ITPR2: variants seen among roughly 807,000 people sequenced by gnomAD.
The protein encoded by ITPR2 is inositol 1,4,5-trisphosphate-gated calcium channel ITPR2.
ITPR2 carries 207 observed loss-of-function variants against 317.1 expected under a neutral mutation model. That is an observed-to-expected ratio of 0.65 (90% CI 0.58 to 0.73). The LOEUF (loss-of-function observed/expected upper bound fraction) is 0.73, where lower values mean the gene tolerates loss of function less well. Among genes scored for constraint, ITPR2 ranks in the 30% least tolerant of loss-of-function variants. The pLI is 0.00. For missense variants in ITPR2, 2,613 were observed against 3,284.0 expected, an observed-to-expected ratio of 0.80 and a Z score of 4.99; for synonymous variants, 1,156 against 1,149.1, an observed-to-expected ratio of 1.01 and a Z score of -0.12.
intron 21 of ITPR2, among the ~76,000 whole-genome samples, chr12:26,651,823 T>C (rs1222082728): frequency 1.3e-5 from 2 of 152,202 alleles, no homozygotes; most frequent in Non-Finnish European, 2.9e-5. Flanking sequence ...TGGCTTTTGG[T>C]AGAGGTCGGT....
intron 47 of ITPR2, among the ~76,000 whole-genome samples, chr12:26,438,728 C>A (rs1387036926): frequency 1.3e-5 from 2 of 152,188 alleles, no homozygotes; most frequent in Non-Finnish European, 2.9e-5. Context: ...ACAATCCCCT[C>A]AATCACAGGA....
intron 37 of ITPR2, among the ~76,000 whole-genome samples, chr12:26,495,983 G>C (rs1212655779): frequency 6.6e-6 from 1 of 152,060 alleles, no homozygotes; most frequent in African/African-American, 2.4e-5. Context: ...AACTTCCTAA[G>C]TCTTCAATTT....
intron 37 of ITPR2, among the ~76,000 whole-genome samples, chr12:26,499,988 T>C (rs900835735): frequency 3.3e-5 from 5 of 152,182 alleles, no homozygotes; most frequent in African/African-American, 1.2e-4. Context: ...AAATGATTAA[T>C]GAATAGGTAT....
intron 55 of ITPR2, among the ~76,000 whole-genome samples, chr12:26,385,715 T>C (rs979990424): frequency 6.6e-6 from 1 of 152,106 alleles, no homozygotes; most frequent in African/African-American, 2.4e-5. Context: ...GTGTCTCATG[T>C]TTATGCTTTT....
At chr12:26,715,156 GAATAGGCA>G in intron 8 of ITPR2, 135 bp downstream of exon 8, 1 of 685,776 alleles carries the variant, frequency 1.5e-6, no homozygotes, top group South Asian at 2.4e-5. Flanking sequence ...TCACAGCAAT[GAATAGGCA>G]CAAGTTGGTT....
intron 2 of ITPR2, among the ~76,000 whole-genome samples, chr12:26,748,145 G>T (rs551077926): frequency 6.6e-6 from 1 of 150,376 alleles, no homozygotes; most frequent in African/African-American, 2.5e-5. Context: ...TGCCACCTCC[G>T]CCTCCTGGGT....
intron 30 of ITPR2, among the ~76,000 whole-genome samples, chr12:26,598,053 C>G (rs576762485): frequency 1.3e-5 from 2 of 152,150 alleles, no homozygotes; most frequent in African/African-American, 4.8e-5. Flanking sequence ...AACACTTCAC[C>G]CAACAGTATC....
rs1369248376 is a variant in ITPR2 at position 26,461,621 on chromosome 12, CATATAAATATATATATATATAT to C, written c.6342+13653_6342+13674del. ...AAGCTGACAATAAGAAAAAGAAAAG[CATATAAATATATATATATATAT>C]ATATATATATATATATATATATATA... On this transcript the variant is annotated intron_variant, in intron 45 of 56. Transcript: ENST00000381340. Among the ~76,000 whole-genome samples, 688 of 119,428 alleles carry C rather than the reference CATATAAATATATATATATATAT, an allele frequency of 5.8e-3. 13 individuals carry two copies. The highest frequency in any genetic ancestry group is 0.026 in the African/African-American group (637 of 24,502). 78.3% of individuals were successfully genotyped at this position (119,428 alleles called of 152,430 possible).
intron 39 of ITPR2, among the ~76,000 whole-genome samples, chr12:26,491,300 A>G (rs1051138338): frequency 2.0e-5 from 3 of 151,674 alleles, no homozygotes; most frequent in Non-Finnish European, 2.9e-5. Flanking sequence ...TGGCTAACAC[A>G]GTGAAACCCC....
chr12:26,800,423 T>C (rs976412160), intron 1 of ITPR2, among the ~76,000 whole-genome samples: 1 of 152,000 alleles, frequency 6.6e-6, no homozygotes, highest in African/African-American at 2.4e-5. Context: ...TTTAAAGAAA[T>C]GGAAGATAAA....
At chr12:26,607,868 C>G (rs1164052824) in intron 26 of ITPR2, among the ~76,000 whole-genome samples, 1 of 152,074 alleles carries the variant, frequency 6.6e-6, no homozygotes, top group African/African-American at 2.4e-5. Context: ...ATCACAAGGT[C>G]AGGAGATCGA....
intron 52 of ITPR2, among the ~76,000 whole-genome samples, chr12:26,401,208 A>G (rs1940168358): frequency 6.6e-6 from 1 of 152,040 alleles, no homozygotes; most frequent in Non-Finnish European, 1.5e-5. Flanking sequence ...CAGCCTGGGT[A>G]ACAGAGCAAG....
chr12:26,830,876 A>G (rs1024318725), intron 1 of ITPR2, among the ~76,000 whole-genome samples: 1 of 152,192 alleles, frequency 6.6e-6, no homozygotes, highest in African/African-American at 2.4e-5. Flanking sequence ...CACTTTACAT[A>G]TATTAATCTC....
chr12:26,435,930 T>C (rs2136719628), intron 48 of ITPR2, among the ~76,000 whole-genome samples: 1 of 152,304 alleles, frequency 6.6e-6, no homozygotes, highest in South Asian at 2.1e-4. Context: ...ATTTAGATGA[T>C]ACAGTATAAA....
At chr12:26,534,457 T>C (rs1218363218) in intron 37 of ITPR2, among the ~76,000 whole-genome samples, 1 of 152,204 alleles carries the variant, frequency 6.6e-6, no homozygotes, top group African/African-American at 2.4e-5. Context: ...CTATTCTAAA[T>C]ATAAATTTCA....
chr12:26,486,408 C>T (rs1486824882), intron 40 of ITPR2, 48 bp from the exon 41 acceptor site: 6 of 1,180,436 alleles, frequency 5.1e-6, no homozygotes, highest in Non-Finnish European at 6.9e-6. Context: ...TTTGCTTTTA[C>T]TAATTAAAAA....
chr12:26,656,609 A>AGATACTGATTG, intron 18 of ITPR2, 61 bp from the exon 19 acceptor site: 1 of 1,529,450 alleles, frequency 6.5e-7, no homozygotes, highest in Non-Finnish European at 9.0e-7. Context: ...TAAACGTCAT[A>AGATACTGATTG]GTACCAATCA....
chr12:26,828,350 G>C (rs773562807), intron 1 of ITPR2, among the ~76,000 whole-genome samples: 1 of 152,138 alleles, frequency 6.6e-6, no homozygotes, highest in Non-Finnish European at 1.5e-5. Context: ...TGTACTCCGA[G>C]GTAAAAAATA....
In ITPR2 at chr12:26,439,293, T is replaced by C. The variant is rs753956575; in HGVS notation, c.6477A>G (p.Glu2159=). 1 of 1,609,596 alleles carries C rather than the reference T, an allele frequency of 6.2e-7. No individual in the cohort carries two copies. The highest frequency in any genetic ancestry group is 8.5e-7 in the Non-Finnish European group (1 of 1,178,152). ...IEIVRHDRTM[E]QIVFPVPNIC... Reference sequence around the variant, plus strand: ...TATTGGGGACAGGAAAAACTATTTGTTCCATGGTCCTATCATGCCGGACAA... The same window carrying C: ...TATTGGGGACAGGAAAAACTATTTGCTCCATGGTCCTATCATGCCGGACAA... The change falls in exon 47 of 57, where the codon GAA becomes GAG. Residue 2159 remains glutamate, a synonymous_variant. Coordinates refer to ENST00000381340, the MANE Select transcript of ITPR2 (RefSeq NM_002223.4).
Sources: gnomAD v4.1 joint callset for allele counts (sites outside exome capture counted in the v4.1 genomes callset) on GRCh38, gnomAD v4.1.1 for gene constraint, MANE v1.5 for transcripts, NCBI Gene and HGNC (gene_info 2026-07-23, HGNC 2026-07-21) for gene names.